Variants in ANK2 observed in about 807,000 individuals in gnomAD.
ANK2 encodes ankyrin-2.
ANK2 carries 83 observed loss-of-function variants against 360.5 expected under a neutral mutation model. That is an observed-to-expected ratio of 0.23 (90% CI 0.19 to 0.28). The LOEUF (loss-of-function observed/expected upper bound fraction) is 0.28. Ranked by LOEUF, ANK2 falls within the 10% of genes least tolerant of loss-of-function variation. The pLI is 1.00. For synonymous variants in ANK2, 1,740 were observed against 1,759.5 expected, an observed-to-expected ratio of 0.99 and a Z score of 0.28; for missense variants, 4,201 against 4,795.7, an observed-to-expected ratio of 0.88 and a Z score of 3.66.
At chr4:113,293,595 T>A in intron 22 of ANK2, 57 bp downstream of exon 22, 1 of 1,465,984 alleles carries the variant, frequency 6.8e-7, no homozygotes, top group Non-Finnish European at 9.5e-7. Context: ...TCAAACTAAA[T>A]ACATGTACAG....
rs1002731419 is a variant in ANK2 at position 113,130,314 on chromosome 4, T to C, written c.85-44102T>C. The stretch of plus-strand genomic sequence containing the variant: ...TTTGCTACAGCATGGCCAAACTCAG[T>C]AAAATTTTTTTTTCTGTTTTCTTTG... On this transcript the variant is annotated intron_variant, in intron 1 of 45. Coordinates refer to ENST00000357077, the MANE Select transcript of ANK2 (RefSeq NM_001148.6). Among the ~76,000 whole-genome samples the C allele has an allele frequency of 2.0e-5, 3 of 152,210 alleles. No individual in the cohort carries two copies. In the South Asian group the frequency reaches 6.2e-4, roughly 32 times the overall value.
chr4:113,353,113 G>T lies in ANK2; in HGVS notation c.4495G>T (p.Ala1499Ser). The part of the protein sequence containing the change: ...SHLVNEVPVL[A>S]SPDLLSEVSE... ...CCTGGTTAATGAAGTTCCTGTCCTAGCAAGTCCGGACTTGCTCTCTGAAGT... is the reference window on the plus strand; with the variant it reads ...CCTGGTTAATGAAGTTCCTGTCCTATCAAGTCCGGACTTGCTCTCTGAAGT... The change falls in exon 38 of 46, where the codon GCA (alanine) becomes TCA (serine). Residue 1499 changes from alanine to serine, a missense_variant. This residue lies in a region of ANK2 where 1,268 missense variants were observed against 1,650.8 expected (regional missense o/e 0.77). Coordinates refer to ENST00000357077, the MANE Select transcript of ANK2 (RefSeq NM_001148.6). 6.2e-7 allele frequency: 1 copy of T among 1,614,016 alleles called. No individual in the cohort carries two copies. Among genetic ancestry groups the T allele is most frequent in the Non-Finnish European group, 8.5e-7 (1 of 1,179,942 alleles).
chr4:112,997,067 C>T (rs568889384), intron 2 of ANK2, among the ~76,000 whole-genome samples: 64 of 152,166 alleles, frequency 4.2e-4, no homozygotes, highest in South Asian at 3.9e-3. Flanking sequence ...TCAAACTGCA[C>T]ATATGTCCCT....
At chr4:112,884,432 T>A (rs1176882536) in intron 1 of ANK2, among the ~76,000 whole-genome samples, 1 of 152,202 alleles carries the variant, frequency 6.6e-6, no homozygotes, top group Non-Finnish European at 1.5e-5. Flanking sequence ...CCAATAAAAC[T>A]TTTTTATGGG....
chr4:113,181,455 A>G (rs2098412141), intron 2 of ANK2, among the ~76,000 whole-genome samples: 1 of 152,124 alleles, frequency 6.6e-6, no homozygotes, highest in African/African-American at 2.4e-5. Flanking sequence ...TCAAACATGT[A>G]TTGTGTGTTT....
At chr4:113,195,605 G>A (rs1486631016) in intron 2 of ANK2, among the ~76,000 whole-genome samples, 2 of 152,024 alleles carry the variant, frequency 1.3e-5, no homozygotes, top group African/African-American at 4.8e-5. Flanking sequence ...TAAGACAAGT[G>A]GGCTATGGAA....
chr4:113,310,990 A>G (rs776022768), intron 23 of ANK2, among the ~76,000 whole-genome samples: 6 of 152,250 alleles, frequency 3.9e-5, no homozygotes, highest in Non-Finnish European at 7.3e-5. Context: ...GAAGTAAACA[A>G]CAAGGGATAT....
At chr4:112,972,550 C>G (rs1015779762) in intron 2 of ANK2, among the ~76,000 whole-genome samples, 7 of 152,106 alleles carry the variant, frequency 4.6e-5, no homozygotes, top group Non-Finnish European at 4.4e-5. Flanking sequence ...TTATGTTAAG[C>G]TGCGGGAGGG....
chr4:112,900,414 G>A (rs1473829022), intron 1 of ANK2, among the ~76,000 whole-genome samples: 5 of 151,880 alleles, frequency 3.3e-5, no homozygotes, highest in Admixed American at 1.3e-4. Context: ...CATTGCTTTC[G>A]GTTATGGTGA....
chr4:112,804,903 C>T, the ANK2 span, among the ~76,000 whole-genome samples: 2 of 151,842 alleles, frequency 1.3e-5, no homozygotes, highest in African/African-American at 4.8e-5. Context: ...TCAAGGCTGT[C>T]GTGAGCCATG....
At chr4:112,988,487 A>T (rs1402416225) in intron 2 of ANK2, among the ~76,000 whole-genome samples, 2 of 152,206 alleles carry the variant, frequency 1.3e-5, no homozygotes, top group Non-Finnish European at 2.9e-5. Flanking sequence ...AATAGAAAGA[A>T]AAAAGGGTTG....
At chr4:113,046,667 G>C (rs1231034126), upstream of ANK2, among the ~76,000 whole-genome samples, 1 of 152,002 alleles carries the variant, frequency 6.6e-6, no homozygotes, top group Non-Finnish European at 1.5e-5. Context: ...CCCAGCCTCA[G>C]AACTGTGACA....
chr4:113,132,700 G>T (rs1158212281), intron 1 of ANK2, among the ~76,000 whole-genome samples: 1 of 152,074 alleles, frequency 6.6e-6, no homozygotes, highest in Non-Finnish European at 1.5e-5. Context: ...GGGTATCCAG[G>T]CATGATATCA....
chr4:113,369,915 C>A, intron 43 of ANK2, 110 bp downstream of exon 43: 3 of 1,352,934 alleles, frequency 2.2e-6, no homozygotes, highest in Non-Finnish European at 3.1e-6. Flanking sequence ...AAAAGTTAAC[C>A]AAATTAATTA....
At chr4:113,343,651 AC>A (rs1474168430) in intron 34 of ANK2, among the ~76,000 whole-genome samples, 1 of 152,196 alleles carries the variant, frequency 6.6e-6, no homozygotes, top group East Asian at 1.9e-4. Context: ...ATTTGTGTGC[AC>A]CAGGTGTTTG....
At chr4:112,846,844 T>C (rs1353871860) in intron 1 of ANK2, among the ~76,000 whole-genome samples, 1 of 152,216 alleles carries the variant, frequency 6.6e-6, no homozygotes, top group Non-Finnish European at 1.5e-5. Context: ...TTCATCTCTC[T>C]TGTTGCTCCA....
intron 2 of ANK2, among the ~76,000 whole-genome samples, chr4:112,999,057 T>C (rs1478778001): frequency 6.6e-6 from 1 of 152,200 alleles, no homozygotes; most frequent in Non-Finnish European, 1.5e-5. Context: ...ATATATTAAA[T>C]ATTGCAACAC....
intron 1 of ANK2, among the ~76,000 whole-genome samples, chr4:113,072,435 A>G (rs545931773): frequency 3.3e-5 from 5 of 152,300 alleles, no homozygotes; most frequent in South Asian, 4.1e-4. Flanking sequence ...GAGAGGGGCA[A>G]TGTTTTTTGA....
intron 1 of ANK2, among the ~76,000 whole-genome samples, chr4:112,882,979 C>T (rs1018402178): frequency 7.0e-6 from 1 of 143,724 alleles, no homozygotes; most frequent in African/African-American, 2.6e-5. Flanking sequence ...CAATGTGCTC[C>T]GTGTGGCTAC....
Sources: allele counts gnomAD v4.1 joint callset (sites outside exome capture counted in the v4.1 genomes callset), GRCh38; gene constraint gnomAD v4.1.1; regional missense constraint gnomAD v4.1.1; transcripts MANE v1.5; gene names NCBI Gene and HGNC (gene_info 2026-07-23, HGNC 2026-07-21).